AKAP8: variants seen among roughly 807,000 people sequenced by gnomAD.
The protein encoded by AKAP8 is A-kinase anchoring protein 8.
AKAP8 carries 24 observed loss-of-function variants against 67.5 expected under a neutral mutation model. That is an observed-to-expected ratio of 0.36 (90% confidence interval 0.26 to 0.50). The LOEUF is 0.50. AKAP8 is among the 20% of genes least tolerant of loss of function. AKAP8 has a pLI of 0.97. For synonymous variants in AKAP8, 400 were observed against 371.1 expected (o/e 1.08, Z -0.90); for missense variants, 971 against 955.9 (o/e 1.02, Z -0.21).
rs554345409 is a variant in AKAP8, at chr19:15,357,940, C to T, written c.1623+1027G>A. Among the ~76,000 whole-genome samples the T allele has an allele frequency of 4.6e-5, 7 of 152,224 alleles. No individual in the cohort carries two copies. The South Asian group carries it at 1.2e-3, about 27-fold the overall frequency. On this transcript the variant is annotated intron_variant, in intron 13 of 13. Coordinates refer to ENST00000269701, the MANE Select transcript of AKAP8 (RefSeq NM_005858.4). ...CAAAGTGATCCGCCCACCCCAGCCTCCCAAAGTACTGGGATTACAGGTGTG... is the reference window on the plus strand; with the variant it reads ...CAAAGTGATCCGCCCACCCCAGCCTTCCAAAGTACTGGGATTACAGGTGTG...
At position 15,369,575 on chromosome 19, in the gene AKAP8, T is replaced by C. The variant is rs1967121236; in HGVS notation, c.1072+571A>G. Among the ~76,000 whole-genome samples, 1 of 152,192 alleles carries C rather than the reference T, an allele frequency of 6.6e-6. No homozygotes were observed. ...GCTGCAGACCCTCTGGTCTCCTGCA[T>C]TGGACATGAAGAGACCTGCTGAAGG... On this transcript the variant is annotated intron_variant, in intron 8 of 13. Transcript: ENST00000269701. The surrounding 1 kb of genome is among the most constrained non-coding windows in gnomAD (Gnocchi z 4.6).
At chr19:15,379,672 A>C in intron 1 of AKAP8, 41 bp downstream of exon 1, 1 of 1,598,048 alleles carries the variant, frequency 6.3e-7, no homozygotes, top group Non-Finnish European at 8.5e-7. Flanking sequence ...GCCCGCACAG[A>C]GCCTTCCCTC....
At chr19:15,377,347 C>T (rs567149267) in intron 1 of AKAP8, among the ~76,000 whole-genome samples, 2 of 152,342 alleles carry the variant, frequency 1.3e-5, no homozygotes, top group South Asian at 4.1e-4. Context: ...CATGAGGACA[C>T]GTTCCCCCAC....
rs879553617 is a variant in AKAP8, at chr19:15,379,319, C to G, written c.19+394G>C. 1.2e-4 allele frequency: 27 copies of G among 221,492 alleles called. No homozygotes were observed. In the East Asian group the frequency reaches 1.3e-3, roughly 11 times the overall value. The allele number at this position is 221,492 out of a possible 1,614,324, so 13.7% of individuals were successfully genotyped here. On this transcript the variant is annotated intron_variant, in intron 1 of 13. Coordinates refer to ENST00000269701, the MANE Select transcript of AKAP8 (RefSeq NM_005858.4). ...CAACCCCACGCTGTAGCTCCGCCCCCCTAGCGCCGCCATTTTGTGGCGTCT... is the reference window on the plus strand; with the variant it reads ...CAACCCCACGCTGTAGCTCCGCCCCGCTAGCGCCGCCATTTTGTGGCGTCT...
rs1465501370 is a variant in AKAP8, at chr19:15,374,640, G to C, written c.59-5C>G. 1.2e-6 allele frequency: 2 copies of C among 1,613,404 alleles called. No individual in the cohort carries two copies. Among genetic ancestry groups the C allele is most frequent in the South Asian group, 1.1e-5 (1 of 91,016 alleles). On this transcript the variant is annotated splice_region_variant and splice_polypyrimidine_tract_variant and intron_variant, in intron 2 of 13. Transcript: ENST00000269701. Reference sequence around the variant, plus strand: ...CCACACCAGTTCCATATGCACCTTAGGGGAAACAGAAACACACAAGAGCCC... The same window carrying C: ...CCACACCAGTTCCATATGCACCTTACGGGAAACAGAAACACACAAGAGCCC...
In AKAP8 at chr19:15,377,032, G is replaced by C; in HGVS notation, c.20-18C>G. ...CCCGTAGCCTGCAAGAAGACCCCGT[G>C]AGTTAAAATTCTATTTGTCACACCA... On this transcript the variant is annotated intron_variant, in intron 1 of 13. Coordinates refer to ENST00000269701, the MANE Select transcript of AKAP8 (RefSeq NM_005858.4). The C allele has an allele frequency of 1.9e-6, 3 of 1,611,942 alleles. No homozygotes were observed. The highest frequency in any genetic ancestry group is 2.5e-6 in the Non-Finnish European group (3 of 1,179,206).
chr19:15,365,493 G>T (rs1444155707), intron 9 of AKAP8, among the ~76,000 whole-genome samples: 1 of 152,122 alleles, frequency 6.6e-6, no homozygotes, highest in East Asian at 1.9e-4. Flanking sequence ...TCTGGTGTAG[G>T]GGTGCAGGCC....
rs756600778 is a variant in AKAP8 at position 15,373,856 on chromosome 19, C to A, written c.301G>T (p.Asp101Tyr). 6.8e-6 allele frequency: 11 copies of A among 1,612,774 alleles called. No homozygotes were observed. The highest frequency in any genetic ancestry group is 2.2e-5 in the East Asian group (1 of 44,890). Residue 101 changes from aspartate to tyrosine, a missense_variant, in exon 4 of 14, where the codon GAC (aspartate) becomes TAC (tyrosine). Asp to Tyr is a radical substitution (Grantham distance 160). This residue lies in a region of AKAP8 where 763 missense variants were observed against 745.4 expected (regional missense o/e 1.02). Coordinates refer to ENST00000269701, the MANE Select transcript of AKAP8 (RefSeq NM_005858.4). ...SLIAKINQRL[D>Y]MMSKEGGRGG... ...CTGCCTCCTTCCTTGGACATCATGT[C>A]CAAACGCTGGTTGATCTTGGCAATG...
chr19:15,356,689 C>T lies in AKAP8; in HGVS notation c.1624-1319G>A, dbSNP rs78818054. On this transcript the variant is annotated intron_variant, in intron 13 of 13. Coordinates refer to ENST00000269701, the MANE Select transcript of AKAP8 (RefSeq NM_005858.4). ...CTAAAACAAGCAAACTAAAAGTTAT[C>T]ATTACCAGATTAGGAAACATGTTTT... is the stretch of plus-strand genomic sequence containing the variant. Among the ~76,000 whole-genome samples the T allele has an allele frequency of 9.8e-3, 1,480 of 151,788 alleles. 17 individuals are homozygous for T. The highest frequency in any genetic ancestry group is 0.017 in the Non-Finnish European group (1,179 of 67,914).
At chr19:15,377,748 G>C (rs934682367) in intron 1 of AKAP8, among the ~76,000 whole-genome samples, 1 of 152,100 alleles carries the variant, frequency 6.6e-6, no homozygotes, top group African/African-American at 2.4e-5. Flanking sequence ...GATTACAGGC[G>C]TGAGTCACCG....
intron 13 of AKAP8, 41 bp downstream of exon 13, chr19:15,358,926 T>A (rs771228052): frequency 6.3e-7 from 1 of 1,585,266 alleles, no homozygotes; most frequent in South Asian, 1.1e-5. Flanking sequence ...CATCTTCCCT[T>A]TTGAAAGCTT....
chr19:15,378,600 G>C (rs1967300868), intron 1 of AKAP8, among the ~76,000 whole-genome samples: 1 of 152,204 alleles, frequency 6.6e-6, no homozygotes, highest in African/African-American at 2.4e-5. Flanking sequence ...AGACACCAAA[G>C]CACACCGCGC....
At position 15,373,824 on chromosome 19, in the gene AKAP8, C is replaced by G; in HGVS notation, c.333G>C (p.Gly111=). 1 of 1,611,870 alleles carries G rather than the reference C, an allele frequency of 6.2e-7. No homozygotes were observed. The highest frequency in any genetic ancestry group is 2.2e-4 in the Middle Eastern group (1 of 4,592). ...DMMSKEGGRG[G]SGGGGEGIQD... is the part of the protein sequence containing the mutation. ...GTATGCCCTCCCCACCGCCGCCGCT[C>G]CCGCCCCTGCCTCCTTCCTTGGACA... The change falls in exon 4 of 14, where the codon GGG becomes GGC. Residue 111 remains glycine (G), a synonymous_variant. Transcript: ENST00000269701.
chr19:15,365,144 C>A (rs140121095), intron 9 of AKAP8, among the ~76,000 whole-genome samples: 130 of 152,378 alleles, frequency 8.5e-4, no homozygotes, highest in African/African-American at 3.1e-3. Context: ...TAGGCTCTGG[C>A]TGGCAGCTCT....
intron 2 of AKAP8, among the ~76,000 whole-genome samples, chr19:15,375,970 AC>A (rs1314889030): frequency 1.3e-5 from 2 of 149,046 alleles, no homozygotes; most frequent in African/African-American, 5.0e-5. Flanking sequence ...GTGCTCTGTC[AC>A]CCAGGCTGGA....
rs377076421 is a variant in AKAP8 at position 15,354,942 on chromosome 19, C to T, written c.2052G>A (p.Glu684=). The change falls in exon 14 of 14, where the codon GAG becomes GAA. Residue 684 remains glutamate (E), a synonymous_variant. Transcript: ENST00000269701. Reference sequence around the variant, plus strand: ...ATTCTGTGGGAACAGCGTCTTTAGACTCTGCATCAGTTTGTTCCACTTCAG... The same window carrying T: ...ATTCTGTGGGAACAGCGTCTTTAGATTCTGCATCAGTTTGTTCCACTTCAG... ...ADAEVEQTDA[E]SKDAVPTE The T allele has an allele frequency of 6.2e-7, 1 of 1,614,150 alleles. No individual in the cohort carries two copies. Among genetic ancestry groups the T allele is most frequent in the Non-Finnish European group, 8.5e-7 (1 of 1,180,032 alleles).
In AKAP8 at chr19:15,354,442, A is replaced by G; in HGVS notation, c.*473T>C. On this transcript the variant is annotated 3_prime_UTR_variant, in exon 14 of 14. Transcript: ENST00000269701. ...CGAAGTCCTGTGAAAGTCACACACC[A>G]TATGGTGCACTACAAAGGTATAGGT... 1 of 164,594 alleles carries G rather than the reference A, an allele frequency of 6.1e-6. No homozygotes were observed. The highest frequency in any genetic ancestry group is 5.6e-5 in the Admixed American group (1 of 17,960). 10.2% of individuals were successfully genotyped at this position (164,594 alleles called of 1,614,324 possible). A position where few individuals can be genotyped will look rare whatever the true frequency, so the allele number is the denominator to read the frequency against.
At chr19:15,360,733 G>C in intron 12 of AKAP8, 115 bp downstream of exon 12, 2 of 1,302,272 alleles carry the variant, frequency 1.5e-6, no homozygotes, top group East Asian at 5.3e-5. Flanking sequence ...GGAAGTGATA[G>C]ACTTGAAACA....
chr19:15,354,297 C>G lies in AKAP8; in HGVS notation c.*618G>C, dbSNP rs1008923254. 1 of 153,468 alleles carries G rather than the reference C, an allele frequency of 6.5e-6. No individual in the cohort carries two copies. Among genetic ancestry groups the G allele is most frequent in the African/African-American group, 2.4e-5 (1 of 41,420 alleles). The allele number at this position is 153,468 out of a possible 1,614,324, so 9.5% of individuals were successfully genotyped here. ...AGATTGGGACGCAATGCCCTCTGCA[C>G]AGTCTGGTTCTTGAGGTTGCGGTGG... On this transcript the variant is annotated 3_prime_UTR_variant, in exon 14 of 14. Transcript: ENST00000269701.
Sources: gnomAD v4.1 joint callset for allele counts (sites outside exome capture counted in the v4.1 genomes callset) on GRCh38, gnomAD v4.1.1 for gene constraint, gnomAD v4.1.1 regional missense constraint, Gnocchi (gnomAD v3.1) non-coding constraint, MANE v1.5 for transcripts, NCBI Gene and HGNC (gene_info 2026-07-23, HGNC 2026-07-21) for gene names.